The following GGN variants were observed in gnomAD, a reference collection of about 807,000 sequenced individuals.
GGN encodes gametogenetin.
A neutral mutation model predicts 35.5 loss-of-function variants in GGN; 27 were observed. The ratio of observed to expected loss-of-function variants is 0.76; its 90% CI spans 0.56 to 1.05. GGN has a LOEUF of 1.05. Ranked by LOEUF, GGN falls within the 50% of genes least tolerant of loss-of-function variation. GGN has a pLI of 0.00. For synonymous variants in GGN, 425 were observed against 444.1 expected (o/e 0.96, Z 0.54); for missense variants, 1,006 against 940.7 (o/e 1.07, Z -0.91).
rs1355713406 is a variant in GGN, at chr19:38,385,500, C to T, written c.1762G>A (p.Val588Met). The T allele has an allele frequency of 4.3e-6, 7 of 1,614,082 alleles. No homozygotes were observed. Among genetic ancestry groups the T allele is most frequent in the Non-Finnish European group, 5.9e-6 (7 of 1,180,028 alleles). ...RAARHWLPFQ[V>M]LNSCPCKCYC... Reference sequence around the variant, plus strand: ...CACTTGCAGGGACAGGAGTTAAGCACCTGGAAGGGCAGCCAGTGGCGCGCA... The same window carrying T: ...CACTTGCAGGGACAGGAGTTAAGCATCTGGAAGGGCAGCCAGTGGCGCGCA... Residue 588 changes from valine (V) to methionine (M), a missense_variant, in exon 3 of 4, where the codon GTG (valine) becomes ATG (methionine). By Grantham distance (21) the Val-to-Met change is conservative (BLOSUM62 1). Coordinates refer to ENST00000334928, the MANE Select transcript of GGN (RefSeq NM_152657.4).
At position 38,386,131 on chromosome 19, in the gene GGN, T is replaced by TCGCGGCGCCCCGATGCCTC; in HGVS notation, c.1112_1130dup (p.Arg379HisfsTer134). On this transcript the variant is annotated frameshift_variant, in exon 3 of 4. Coordinates refer to ENST00000334928, the MANE Select transcript of GGN (RefSeq NM_152657.4). LOFTEE classifies it high-confidence loss of function. The stretch of plus-strand genomic sequence containing the variant: ...GCCCAGAGAGTGCGGCCGCACGCCG[T>TCGCGGCGCCCCGATGCCTC]CGCGGCGCCCCGATGCCTCCGCCAG... 6.3e-7 allele frequency: 1 copy of TCGCGGCGCCCCGATGCCTC among 1,581,124 alleles called. No homozygotes were observed. The highest frequency in any genetic ancestry group is 8.6e-7 in the Non-Finnish European group (1 of 1,168,240).
At chr19:38,385,325 C>T (rs1257725627) in intron 3 of GGN, 96 bp downstream of exon 3, 22 of 1,522,212 alleles carry the variant, frequency 1.4e-5, no homozygotes, top group Non-Finnish European at 1.3e-5. Context: ...AGATGAAGGC[C>T]ACGGGTCATT....
In GGN at chr19:38,386,241, AGGGTGGC is replaced by A; in HGVS notation, c.1014_1020del (p.Pro339ThrfsTer148). 6.2e-7 allele frequency: 1 copy of A among 1,609,694 alleles called. No individual in the cohort carries two copies. The highest frequency in any genetic ancestry group is 8.5e-7 in the Non-Finnish European group (1 of 1,179,156). On this transcript the variant is annotated frameshift_variant, in exon 3 of 4. Coordinates refer to ENST00000334928, the MANE Select transcript of GGN (RefSeq NM_152657.4). LOFTEE classifies it high-confidence loss of function. Reference sequence around the variant, plus strand: ...GGCTTCGAGCCTGGGAAGGTGGTGTAGGGTGGCGGCGGTAGGGCCCGGGCTTGGGACG... The same window carrying A: ...GGCTTCGAGCCTGGGAAGGTGGTGTAGGCGGTAGGGCCCGGGCTTGGGACG...
In GGN at chr19:38,385,271, T is replaced by C. The variant is rs1485362147; in HGVS notation, c.1841+150A>G. On this transcript the variant is annotated intron_variant, in intron 3 of 3. Coordinates refer to ENST00000334928, the MANE Select transcript of GGN (RefSeq NM_152657.4). ...GTCAGCATGGGATCATGGGTCCTCT[T>C]GGTCCTGAAGGGTGGGAGCTCAGCT... is the stretch of plus-strand genomic sequence containing the variant. The C allele has an allele frequency of 4.7e-6, 5 of 1,072,776 alleles. 1 individual carries two copies. The highest frequency in any genetic ancestry group is 6.2e-4 in the Middle Eastern group (2 of 3,250). The allele number at this position is 1,072,776 out of a possible 1,614,324, so 66.5% of individuals were successfully genotyped here.
intron 3 of GGN, 31 bp from the exon 4 acceptor site, chr19:38,384,560 C>A (rs777403768): frequency 1.3e-6 from 2 of 1,538,020 alleles, no homozygotes; most frequent in Non-Finnish European, 1.8e-6. Context: ...CAGCAAAGCC[C>A]AGCAATGGGA....
At position 38,384,439 on chromosome 19, in the gene GGN, G is replaced by A. The variant is rs781391103; in HGVS notation, c.1932C>T (p.Tyr644=). ...AGTTGGAATGGGTGGCCTGCAAGTC[G>A]TAGTGCTCCAGCTTGGCCACCAGAG... is the stretch of plus-strand genomic sequence containing the variant. ...SGSLVAKLEH[Y]DLQATHSN Residue 644 remains tyrosine, a synonymous_variant, in exon 4 of 4, where the codon TAC becomes TAT. Transcript: ENST00000334928. 8 of 1,613,912 alleles carry A rather than the reference G, an allele frequency of 5.0e-6. No homozygotes were observed. The highest frequency in any genetic ancestry group is 4.0e-5 in the African/African-American group (3 of 75,042).
Position 38,386,764 on chromosome 19 carries a change from CGGCGGAAATTGGG to C in GGN, c.485_497del (p.Ser162CysfsTer74), listed in dbSNP as rs770929400. ...GTGGCGGCTTCCAAGTCTCCAGGGG[CGGCGGAAATTGGG>C]ATGGGGCCCTCGGGACAGTGTCCTT... On this transcript the variant is annotated frameshift_variant, in exon 3 of 4. Coordinates refer to ENST00000334928, the MANE Select transcript of GGN (RefSeq NM_152657.4). LOFTEE classifies it high-confidence loss of function. 6.2e-7 allele frequency: 1 copy of C among 1,610,104 alleles called. No individual in the cohort carries two copies. Among genetic ancestry groups the C allele is most frequent in the East Asian group, 2.2e-5 (1 of 44,750 alleles).
Position 38,386,970 on chromosome 19 carries a change from G to T in GGN, c.292C>A (p.Pro98Thr). 6.5e-7 allele frequency: 1 copy of T among 1,543,066 alleles called. No homozygotes were observed. Among genetic ancestry groups the T allele is most frequent in the African/African-American group, 1.4e-5 (1 of 73,070 alleles). The change falls in exon 3 of 4, where the codon CCG (proline) becomes ACG (threonine). Residue 98 changes from proline to threonine, a missense_variant. Physicochemically the swap from Pro to Thr is conservative, Grantham distance 38 (BLOSUM62 -1). Coordinates refer to ENST00000334928, the MANE Select transcript of GGN (RefSeq NM_152657.4). ...GGCAGCAGAGTCCCCGCGGGGGCCG[G>T]GGGTGGTGCAGAGACCGCGGCCGCC... ...EEAAAVSAPP[P>T]APAGTLLPGP...
chr19:38,386,632 G>A lies in GGN; in HGVS notation c.630C>T (p.Gly210=), dbSNP rs766136931. 3 of 1,612,342 alleles carry A rather than the reference G, an allele frequency of 1.9e-6. No individual in the cohort carries two copies. The South Asian group carries it at 3.3e-5, about 18-fold the overall frequency. The part of the protein sequence containing the change: ...TESQAGPRNQ[G]QTAGRARGGA... ...CTCCGCGAGCCCTGCCGGCCGTCTGGCCCTGGTTGCGGGGCCCAGCCTGGC... is the reference window on the plus strand; with the variant it reads ...CTCCGCGAGCCCTGCCGGCCGTCTGACCCTGGTTGCGGGGCCCAGCCTGGC... The change falls in exon 3 of 4, where the codon GGC becomes GGT. Residue 210 remains glycine, a synonymous_variant. Coordinates refer to ENST00000334928, the MANE Select transcript of GGN (RefSeq NM_152657.4).
Position 38,385,558 on chromosome 19 carries a change from C to T in GGN, c.1704G>A (p.Gly568=). 3 of 1,614,090 alleles carry T rather than the reference C, an allele frequency of 1.9e-6. No individual in the cohort carries two copies. The highest frequency in any genetic ancestry group is 2.5e-6 in the Non-Finnish European group (3 of 1,180,014). ...TGTTAGCTGCCCCAGTCTGAGAGGCCCCGCTGCCACCACCCCCTCCACCAC... is the reference window on the plus strand; with the variant it reads ...TGTTAGCTGCCCCAGTCTGAGAGGCTCCGCTGCCACCACCCCCTCCACCAC... ...DSSGGGGGGS[G]ASQTGAANTR... The change falls in exon 3 of 4, where the codon GGG becomes GGA. Residue 568 remains glycine, a synonymous_variant. Coordinates refer to ENST00000334928, the MANE Select transcript of GGN (RefSeq NM_152657.4).
In GGN at chr19:38,386,539, C is replaced by T. The variant is rs1970727436; in HGVS notation, c.723G>A (p.Leu241=). 2 of 1,613,354 alleles carry T rather than the reference C, an allele frequency of 1.2e-6. No homozygotes were observed. Among genetic ancestry groups the T allele is most frequent in the Middle Eastern group, 1.6e-4 (1 of 6,062 alleles). ...QPADSESGLS[L]LCKITFKSRP... ...TCGACTTGAAGGTGATTTTACACAG[C>T]AGGCTCAGACCGGACTCGGAATCCG... The change falls in exon 3 of 4, where the codon CTG becomes CTA. Residue 241 remains leucine, a synonymous_variant. Coordinates refer to ENST00000334928, the MANE Select transcript of GGN (RefSeq NM_152657.4).
chr19:38,385,481 C>A lies in GGN; in HGVS notation c.1781G>T (p.Cys594Phe). The A allele has an allele frequency of 6.2e-7, 1 of 1,614,058 alleles. No individual in the cohort carries two copies. The highest frequency in any genetic ancestry group is 1.3e-5 in the African/African-American group (1 of 75,056). The change falls in exon 3 of 4, where the codon TGC becomes TTC. Residue 594 changes from cysteine (C) to phenylalanine (F), a missense_variant. Cys to Phe is a radical substitution (Grantham distance 205). Coordinates refer to ENST00000334928, the MANE Select transcript of GGN (RefSeq NM_152657.4). ...LPFQVLNSCP[C>F]KCYCHHQPRH... ...TGGCTGGTGGTGGCAGTAACACTTG[C>A]AGGGACAGGAGTTAAGCACCTGGAA... is the stretch of plus-strand genomic sequence containing the variant.
In GGN at chr19:38,385,852, GC is replaced by G; in HGVS notation, c.1409del (p.Gly470AlafsTer19). The G allele has an allele frequency of 6.5e-7, 1 of 1,542,914 alleles. No homozygotes were observed. Among genetic ancestry groups the G allele is most frequent in the Non-Finnish European group, 8.7e-7 (1 of 1,147,936 alleles). Reference protein sequence around the residue: ...PVAPPLTPGLGHKESALAPTA... With the variant: ...PVAPPLTPGLXHKESALAPTA... ...TGGGAGCCAGGGCTGACTCCTTGTGGCCCAGACCCGGGGTGAGCGGGGGAGC... is the reference window on the plus strand; with the variant it reads ...TGGGAGCCAGGGCTGACTCCTTGTGGCCAGACCCGGGGTGAGCGGGGGAGC... On this transcript the variant is annotated frameshift_variant, in exon 3 of 4. Coordinates refer to ENST00000334928, the MANE Select transcript of GGN (RefSeq NM_152657.4). LOFTEE classifies it high-confidence loss of function.
chr19:38,385,927 C>T lies in GGN; in HGVS notation c.1335G>A (p.Pro445=), dbSNP rs761134057. 15 of 1,577,506 alleles carry T rather than the reference C, an allele frequency of 9.5e-6. No individual in the cohort carries two copies. In the Admixed American group the frequency reaches 2.0e-4, roughly 21 times the overall value. ...GCGCTGGTGGCTGCAGTGTGGGCGG[C>T]GGTGTGGGCGGTGGCAGCGGTGGTA... ...QELPPLPPPT[P]PPTLQPPALQ... The change falls in exon 3 of 4, where the codon CCG becomes CCA. Residue 445 remains proline, a synonymous_variant. Coordinates refer to ENST00000334928, the MANE Select transcript of GGN (RefSeq NM_152657.4).
At position 38,386,471 on chromosome 19, in the gene GGN, G is replaced by T; in HGVS notation, c.791C>A (p.Ala264Asp). The T allele has an allele frequency of 1.1e-5, 18 of 1,612,952 alleles. No homozygotes were observed. The highest frequency in any genetic ancestry group is 1.4e-5 in the Non-Finnish European group (17 of 1,180,006). ...APPAASSSLA[A>D]KASLGGGGGG... ...TCCGCCGCCCCCCAGCGAAGCTTTGGCTGCTAAGGAACTCGAGGCTGCCGG... is the reference window on the plus strand; with the variant it reads ...TCCGCCGCCCCCCAGCGAAGCTTTGTCTGCTAAGGAACTCGAGGCTGCCGG... Residue 264 changes from alanine to aspartate, a missense_variant, in exon 3 of 4, where the codon GCC (alanine) becomes GAC (aspartate). Ala to Asp is a moderately radical substitution (Grantham distance 126, BLOSUM62 -2). Coordinates refer to ENST00000334928, the MANE Select transcript of GGN (RefSeq NM_152657.4).
chr19:38,384,908 G>T (rs535830954), intron 3 of GGN, among the ~76,000 whole-genome samples: 24 of 152,290 alleles, frequency 1.6e-4, no homozygotes, highest in African/African-American at 5.8e-4. Flanking sequence ...GCCCTCTGGC[G>T]GCTGAAGCCT....
At position 38,385,601 on chromosome 19, in the gene GGN, G is replaced by C; in HGVS notation, c.1661C>G (p.Ala554Gly). The C allele has an allele frequency of 6.2e-7, 1 of 1,614,168 alleles. No individual in the cohort carries two copies. Among genetic ancestry groups the C allele is most frequent in the Non-Finnish European group, 8.5e-7 (1 of 1,180,022 alleles). ...TCCACCACTGCTGTCAGGCACGGTA[G>C]CTGTAGCTCGTTCGCGAGGACCATC... ...HGDGPRERAT[A>G]TVPDSSGGGG... The change falls in exon 3 of 4, where the codon GCT (alanine) becomes GGT (glycine). Residue 554 changes from alanine to glycine, a missense_variant. By Grantham distance (60) the Ala-to-Gly change is moderately conservative. Transcript: ENST00000334928.
chr19:38,386,820 G>T lies in GGN; in HGVS notation c.442C>A (p.Pro148Thr). 2 of 1,602,858 alleles carry T rather than the reference G, an allele frequency of 1.2e-6. No homozygotes were observed. The highest frequency in any genetic ancestry group is 1.7e-6 in the Non-Finnish European group (2 of 1,173,728). The change falls in exon 3 of 4, where the codon CCC becomes ACC. Residue 148 changes from proline to threonine, a missense_variant. Pro to Thr is a conservative substitution (Grantham distance 38). Coordinates refer to ENST00000334928, the MANE Select transcript of GGN (RefSeq NM_152657.4). ...GTGTCCTTCACGGATAGTTGCCGGGGCGGCGGCGGCGGCTTCAGCGGGCGG... is the reference window on the plus strand; with the variant it reads ...GTGTCCTTCACGGATAGTTGCCGGGTCGGCGGCGGCGGCTTCAGCGGGCGG... ...SLRPLKPPPP[P>T]RQLSVKDTVP...
chr19:38,388,356 C>G (rs527985958), upstream of GGN: 1 of 397,112 alleles, frequency 2.5e-6, no homozygotes, highest in African/African-American at 2.1e-5. Flanking sequence ...CCAACCCCAC[C>G]CACTTGTGAA....
Sources: gnomAD v4.1 joint callset for allele counts (sites outside exome capture counted in the v4.1 genomes callset) on GRCh38, gnomAD v4.1.1 for gene constraint, MANE v1.5 for transcripts, NCBI Gene and HGNC (gene_info 2026-07-23, HGNC 2026-07-21) for gene names.